Variants in PELO observed in about 807,000 individuals in gnomAD.
PELO encodes pelota mRNA surveillance and ribosome rescue factor.
In PELO, 19 loss-of-function variants were observed where a neutral mutation model predicts 25.9. That is an observed-to-expected ratio of 0.73 (90% CI 0.51 to 1.08). The LOEUF (loss-of-function observed/expected upper bound fraction) is 1.08, where lower values mean the gene tolerates loss of function less well. Among genes scored for constraint, PELO ranks in the 50% least tolerant of loss-of-function variants. The pLI is 0.00. For synonymous variants in PELO, 196 were observed against 192.2 expected (o/e 1.02, Z -0.16); for missense variants, 498 against 491.4 (o/e 1.01, Z -0.13).
In PELO at chr5:52,800,268, C is replaced by T; in HGVS notation, c.-127C>T. 1 of 932,494 alleles carries T rather than the reference C, an allele frequency of 1.1e-6. No homozygotes were observed. The highest frequency in any genetic ancestry group is 1.6e-6 in the Non-Finnish European group (1 of 609,726). 57.8% of individuals were successfully genotyped at this position (932,494 alleles called of 1,614,324 possible). ...TCGAAGCAAGCGTGTTTCCTTCCCG[C>T]CAGGCAAGTGCCCTTAGAAACCGGG... is the stretch of plus-strand genomic sequence containing the variant. On this transcript the variant is annotated 5_prime_UTR_variant, in exon 2 of 3. Coordinates refer to ENST00000274311, the MANE Select transcript of PELO (RefSeq NM_015946.5).
rs1748441184 is a variant in PELO at position 52,800,310 on chromosome 5, G to T, written c.-85G>T. On this transcript the variant is annotated 5_prime_UTR_variant, in exon 2 of 3. Transcript: ENST00000274311. ...GAAACCGGGCCCCGCCCCCTTCCTG[G>T]CCTGCATTCCCATCCCCTCTCCCGG... is the stretch of plus-strand genomic sequence containing the variant. 6.0e-6 allele frequency: 9 copies of T among 1,494,212 alleles called. No homozygotes were observed. The highest frequency in any genetic ancestry group is 8.3e-6 in the Non-Finnish European group (9 of 1,087,246). 92.6% of individuals were successfully genotyped at this position (1,494,212 alleles called of 1,614,324 possible).
intron 1 of PELO, among the ~76,000 whole-genome samples, chr5:52,789,904 T>A (rs1221958812): frequency 6.6e-6 from 1 of 152,224 alleles, no homozygotes; most frequent in Admixed American, 6.5e-5. Context: ...GTTTAACAAG[T>A]TACAATTTCA....
chr5:52,801,586 G>A lies in PELO; in HGVS notation c.904G>A (p.Ala302Thr), dbSNP rs1459627591. ...AFYGLKQVEK[A>T]NEAMAIDTLL... ...CTATGGACTCAAGCAGGTGGAGAAG[G>A]CCAATGAAGCCATGGCAATTGACAC... The change falls in exon 3 of 3, where the codon GCC becomes ACC. Residue 302 changes from alanine to threonine, a missense_variant. Coordinates refer to ENST00000274311, the MANE Select transcript of PELO (RefSeq NM_015946.5). The A allele has an allele frequency of 1.2e-6, 2 of 1,614,112 alleles. No homozygotes were observed. The highest frequency in any genetic ancestry group is 3.3e-5 in the Admixed American group (2 of 60,026).
intron 1 of PELO, among the ~76,000 whole-genome samples, chr5:52,799,262 T>G (rs1748405342): frequency 6.6e-6 from 1 of 152,210 alleles, no homozygotes; most frequent in African/African-American, 2.4e-5. Context: ...GCTAAGTAAC[T>G]TAAGGATTTT....
chr5:52,800,571 C>T lies in PELO; in HGVS notation c.177C>T (p.Asn59=), dbSNP rs1160004539. The change falls in exon 2 of 3, where the codon AAC becomes AAT. Residue 59 remains asparagine, a synonymous_variant. Coordinates refer to ENST00000274311, the MANE Select transcript of PELO (RefSeq NM_015946.5). The part of the protein sequence containing the change: ...TESSTGSVGS[N]RVRTTLTLCV... Reference sequence around the variant, plus strand: ...CCTCCACGGGCAGCGTGGGCAGCAACCGGGTCCGCACTACCCTCACTCTCT... The same window carrying T: ...CCTCCACGGGCAGCGTGGGCAGCAATCGGGTCCGCACTACCCTCACTCTCT... 3 of 1,613,516 alleles carry T rather than the reference C, an allele frequency of 1.9e-6. No homozygotes were observed. Among genetic ancestry groups the T allele is most frequent in the Non-Finnish European group, 2.5e-6 (3 of 1,179,694 alleles).
Position 52,802,021 on chromosome 5 carries a change from A to T in PELO, c.*181A>T. 1 of 538,378 alleles carries T rather than the reference A, an allele frequency of 1.9e-6. No individual in the cohort carries two copies. Among genetic ancestry groups the T allele is most frequent in the East Asian group, 3.0e-5 (1 of 33,188 alleles). The allele number at this position is 538,378 out of a possible 1,614,324, so 33.4% of individuals were successfully genotyped here. On this transcript the variant is annotated 3_prime_UTR_variant, in exon 3 of 3. Coordinates refer to ENST00000274311, the MANE Select transcript of PELO (RefSeq NM_015946.5). ...AAGACATGTATTTAAACAATAAACTAAAAGGAAATAATCTCCACGTACTAC... is the reference window on the plus strand; with the variant it reads ...AAGACATGTATTTAAACAATAAACTTAAAGGAAATAATCTCCACGTACTAC...
Position 52,800,125 on chromosome 5 carries a change from A to C in PELO, c.-270A>C, listed in dbSNP as rs994420488. ...CGTCAGCCCGCTGTTGCGTGCTGCC[A>C]GCGGGAACTGTGTAGGGGTAGATTT... On this transcript the variant is annotated 5_prime_UTR_variant, in exon 2 of 3. Coordinates refer to ENST00000274311, the MANE Select transcript of PELO (RefSeq NM_015946.5). 2.4e-6 allele frequency: 1 copy of C among 422,854 alleles called. No individual in the cohort carries two copies. Among genetic ancestry groups the C allele is most frequent in the Non-Finnish European group, 4.3e-6 (1 of 233,170 alleles). The allele number at this position is 422,854 out of a possible 1,614,324, so 26.2% of individuals were successfully genotyped here.
chr5:52,801,751 A>ATT lies in PELO; in HGVS notation c.1069_1070insTT (p.Ser357IlefsTer4), dbSNP rs1561212421. ...TCTTCACGTTTCTGGGGAACAGCTC[A>ATT]GCCAGTTGACTGGGGTAGCTGCCAT... On this transcript the variant is annotated frameshift_variant, in exon 3 of 3. Coordinates refer to ENST00000274311, the MANE Select transcript of PELO (RefSeq NM_015946.5). LOFTEE classifies it high-confidence loss of function. 1 of 1,614,050 alleles carries ATT rather than the reference A, an allele frequency of 6.2e-7. No homozygotes were observed. The highest frequency in any genetic ancestry group is 8.5e-7 in the Non-Finnish European group (1 of 1,180,010).
At chr5:52,793,672 C>A (rs768754424) in intron 1 of PELO, among the ~76,000 whole-genome samples, 2 of 151,976 alleles carry the variant, frequency 1.3e-5, no homozygotes, top group African/African-American at 2.4e-5. Context: ...ATGTGAACCC[C>A]ATCTAGATAC....
intron 1 of PELO, 41 bp downstream of exon 1, chr5:52,788,455 G>C (rs1318314125): frequency 1.4e-6 from 2 of 1,430,586 alleles, no homozygotes; most frequent in Non-Finnish European, 1.8e-6. Context: ...CTGCTCGCGG[G>C]CTTGGGGCTT....
chr5:52,801,248 A>G (rs1251368547), intron 2 of PELO, 128 bp downstream of exon 2: 2 of 1,174,250 alleles, frequency 1.7e-6, no homozygotes, highest in Non-Finnish European at 2.4e-6. Context: ...TCATGAGATA[A>G]TGAAATAAAA....
chr5:52,801,680 T>G lies in PELO; in HGVS notation c.998T>G (p.Val333Gly). 1 of 1,614,160 alleles carries G rather than the reference T, an allele frequency of 6.2e-7. No individual in the cohort carries two copies. Among genetic ancestry groups the G allele is most frequent in the Non-Finnish European group, 8.5e-7 (1 of 1,180,024 alleles). ...ACACGGAGCCGGTATGTGAGGCTGGTGGACAGTGTGAAAGAGAATGCAGGC... is the reference window on the plus strand; with the variant it reads ...ACACGGAGCCGGTATGTGAGGCTGGGGGACAGTGTGAAAGAGAATGCAGGC... ...VATRSRYVRL[V>G]DSVKENAGTV... The change falls in exon 3 of 3, where the codon GTG becomes GGG. Residue 333 changes from valine to glycine, a missense_variant. Transcript: ENST00000274311.
In PELO at chr5:52,792,904, G is replaced by GC. The variant is rs559127031; in HGVS notation, c.-511+4491dup. Among the ~76,000 whole-genome samples, 552 of 152,208 alleles carry GC rather than the reference G, an allele frequency of 3.6e-3. 2 individuals carry two copies. Among genetic ancestry groups the GC allele is most frequent in the African/African-American group, 0.013 (528 of 41,544 alleles). On this transcript the variant is annotated intron_variant, in intron 1 of 2. Transcript: ENST00000274311. ...CTGGAGAATTGTATTCGCCCTCAAA[G>GC]CAAGTACAGTAGAGTATCAAGAGAT... is the stretch of plus-strand genomic sequence containing the variant.
chr5:52,798,681 G>C (rs956830479), intron 1 of PELO, among the ~76,000 whole-genome samples: 1 of 152,122 alleles, frequency 6.6e-6, no homozygotes, highest in Non-Finnish European at 1.5e-5. Context: ...GCATTTTTAC[G>C]TAAGATAACA....
chr5:52,793,864 T>C (rs760492166), intron 1 of PELO, among the ~76,000 whole-genome samples: 23 of 152,040 alleles, frequency 1.5e-4, no homozygotes, highest in Admixed American at 3.9e-4. Flanking sequence ...TCATATAATG[T>C]TCCAGTTGCA....
At chr5:52,799,088 C>A (rs1748401537) in intron 1 of PELO, among the ~76,000 whole-genome samples, 1 of 152,158 alleles carries the variant, frequency 6.6e-6, no homozygotes. Flanking sequence ...CCAATCCACA[C>A]AGAGAAAGAC....
chr5:52,795,294 C>T (rs1313678581), intron 1 of PELO, among the ~76,000 whole-genome samples: 1 of 151,814 alleles, frequency 6.6e-6, no homozygotes, highest in African/African-American at 2.4e-5. Flanking sequence ...GTGGGAGAGG[C>T]TCCCAAGGTG....
Position 52,801,897 on chromosome 5 carries a change from T to C in PELO, c.*57T>C. ...GTTTCCTAAACTGTTACAGTACATT[T>C]CTCAGCATCCTTGTGACAGAAAGCT... On this transcript the variant is annotated 3_prime_UTR_variant, in exon 3 of 3. Transcript: ENST00000274311. 1.5e-6 allele frequency: 2 copies of C among 1,314,178 alleles called. No individual in the cohort carries two copies. The highest frequency in any genetic ancestry group is 2.1e-6 in the Non-Finnish European group (2 of 962,994). The allele number at this position is 1,314,178 out of a possible 1,614,324, so 81.4% of individuals were successfully genotyped here. A position where few individuals can be genotyped will look rare whatever the true frequency, so the allele number is the denominator to read the frequency against.
At chr5:52,797,013 T>C (rs528282022) in intron 1 of PELO, among the ~76,000 whole-genome samples, 1 of 152,098 alleles carries the variant, frequency 6.6e-6, no homozygotes, top group African/African-American at 2.4e-5. Flanking sequence ...AAGTGGGAAG[T>C]AAATTTGTAA....
Sources: gnomAD v4.1 joint callset for allele counts (sites outside exome capture counted in the v4.1 genomes callset) on GRCh38, gnomAD v4.1.1 for gene constraint, MANE v1.5 for transcripts, NCBI Gene and HGNC (gene_info 2026-07-23, HGNC 2026-07-21) for gene names.